Variants in CWF19L2 observed in about 807,000 individuals in gnomAD.
CWF19L2 encodes CWF19 like cell cycle control factor 2.
Under a neutral mutation model 111.7 loss-of-function variants are expected in CWF19L2, and 98 were observed. The observed-to-expected ratio is 0.88, with a 90% CI of 0.75 to 1.04. CWF19L2 has a LOEUF of 1.04. Ranked by LOEUF, CWF19L2 falls within the 50% of genes least tolerant of loss-of-function variation. The pLI is 0.00. For missense variants in CWF19L2, 1,101 were observed against 1,051.4 expected, an observed-to-expected ratio of 1.05 and a Z score of -0.65; for synonymous variants, 351 against 342.9, an observed-to-expected ratio of 1.02 and a Z score of -0.26.
intron 10 of CWF19L2, chr11:107,403,742 T>C (rs1218110647): frequency 8.0e-6 from 7 of 878,788 alleles, no homozygotes; most frequent in Non-Finnish European, 1.4e-5. Flanking sequence ...CTCCTGCTTT[T>C]TGCCGGTCTG....
At chr11:107,456,418 T>G (rs1436099718) in intron 1 of CWF19L2, among the ~76,000 whole-genome samples, 2 of 152,128 alleles carry the variant, frequency 1.3e-5, no homozygotes, top group East Asian at 3.9e-4. Context: ...CTCCAAAAAC[T>G]GCTGGAAATA....
At chr11:107,360,956 T>C (rs1860321746) in intron 12 of CWF19L2, among the ~76,000 whole-genome samples, 1 of 152,220 alleles carries the variant, frequency 6.6e-6, no homozygotes. Flanking sequence ...CTTTTTAGTT[T>C]AATTAACTGT....
At chr11:107,404,577 G>T (rs1355435550) in intron 10 of CWF19L2, 3 of 624,490 alleles carry the variant, frequency 4.8e-6, no homozygotes, top group Admixed American at 2.2e-5. Flanking sequence ...GCATAAGATG[G>T]TCTTTCCACA....
chr11:107,395,704 C>T (rs1481783861), intron 10 of CWF19L2, among the ~76,000 whole-genome samples: 2 of 152,140 alleles, frequency 1.3e-5, no homozygotes, highest in South Asian at 2.1e-4. Context: ...ATTTCTTCTG[C>T]GTGGAACAAT....
intron 10 of CWF19L2, among the ~76,000 whole-genome samples, chr11:107,406,960 GATT>G (rs1330521138): frequency 1.3e-5 from 2 of 151,674 alleles, no homozygotes; most frequent in Non-Finnish European, 2.9e-5. Flanking sequence ...ATGACACACA[GATT>G]ATTTACTATT....
intron 10 of CWF19L2, among the ~76,000 whole-genome samples, chr11:107,408,658 G>T (rs1861115241): frequency 6.6e-6 from 1 of 151,890 alleles, no homozygotes; most frequent in Admixed American, 6.6e-5. Context: ...GGACAGAAAT[G>T]ACAGATACTT....
chr11:107,454,167 C>G (rs922051133), intron 3 of CWF19L2, among the ~76,000 whole-genome samples: 3 of 152,228 alleles, frequency 2.0e-5, no homozygotes, highest in Non-Finnish European at 2.9e-5. Context: ...TGAACACCAG[C>G]TGTAGCCAGG....
At chr11:107,379,289 T>C (rs1038669684) in intron 12 of CWF19L2, among the ~76,000 whole-genome samples, 4 of 152,346 alleles carry the variant, frequency 2.6e-5, no homozygotes, top group African/African-American at 9.6e-5. Flanking sequence ...ATTTGGGACA[T>C]CTGGCAATAT....
At chr11:107,362,293 C>G (rs1458399788) in intron 12 of CWF19L2, among the ~76,000 whole-genome samples, 10 of 152,052 alleles carry the variant, frequency 6.6e-5, no homozygotes, top group South Asian at 4.2e-4. Context: ...ACAAAGCAGC[C>G]AGGAAGCTCG....
At chr11:107,337,343 T>C (rs1034277160) in intron 14 of CWF19L2, among the ~76,000 whole-genome samples, 6 of 136,560 alleles carry the variant, frequency 4.4e-5, no homozygotes, top group Non-Finnish European at 7.7e-5. Context: ...CACACAAATA[T>C]AATCAGTTGT....
At chr11:107,370,034 C>G (rs1860485791) in intron 12 of CWF19L2, among the ~76,000 whole-genome samples, 1 of 137,396 alleles carries the variant, frequency 7.3e-6, no homozygotes, top group Non-Finnish European at 1.6e-5. Context: ...ATTGACATAA[C>G]TACCAAATAA....
chr11:107,409,573 G>A (rs1861128639), intron 10 of CWF19L2, among the ~76,000 whole-genome samples: 1 of 152,044 alleles, frequency 6.6e-6, no homozygotes, highest in African/African-American at 2.4e-5. Flanking sequence ...TATACATAAT[G>A]TGACTCCATT....
At position 107,390,090 on chromosome 11, in the gene CWF19L2, A is replaced by T; in HGVS notation, c.1856T>A (p.Met619Lys). ...GTAENQNKLF[M>K]RMASKFMGKT... ...ATATCTTACCTTAGATGCCATTCTC[A>T]TAAAGAGCTTGTTTTGATTTTCTGC... is the stretch of plus-strand genomic sequence containing the variant. Residue 619 changes from methionine (M) to lysine (K), a missense_variant, in exon 12 of 18, where the codon ATG becomes AAG. Met to Lys is a moderately conservative substitution (Grantham distance 95). Transcript: ENST00000282251. 1 of 1,612,666 alleles carries T rather than the reference A, an allele frequency of 6.2e-7. No homozygotes were observed. Among genetic ancestry groups the T allele is most frequent in the Non-Finnish European group, 8.5e-7 (1 of 1,179,356 alleles).
intron 12 of CWF19L2, among the ~76,000 whole-genome samples, chr11:107,385,477 C>T (rs1022227607): frequency 1.5e-4 from 23 of 151,916 alleles, no homozygotes; most frequent in African/African-American, 4.4e-4. Flanking sequence ...TTTATCTAAA[C>T]GTCAATTTAT....
At chr11:107,397,756 C>T (rs773570911) in intron 10 of CWF19L2, among the ~76,000 whole-genome samples, 67 of 152,176 alleles carry the variant, frequency 4.4e-4, no homozygotes, top group African/African-American at 1.2e-3. Flanking sequence ...AGAACCCTCA[C>T]GGAGTTCACT....
At chr11:107,418,623 T>C (rs958209288) in intron 8 of CWF19L2, among the ~76,000 whole-genome samples, 1 of 152,132 alleles carries the variant, frequency 6.6e-6, no homozygotes, top group Non-Finnish European at 1.5e-5. Flanking sequence ...AGGCCATAAT[T>C]CTATACATCT....
chr11:107,377,863 C>T (rs1253452677), intron 12 of CWF19L2, among the ~76,000 whole-genome samples: 1 of 146,684 alleles, frequency 6.8e-6, no homozygotes, highest in African/African-American at 2.6e-5. Flanking sequence ...TCGCAACCTA[C>T]TCATCTGACA....
At chr11:107,332,633 T>C (rs769134059) in intron 16 of CWF19L2, among the ~76,000 whole-genome samples, 2 of 151,926 alleles carry the variant, frequency 1.3e-5, no homozygotes, top group Admixed American at 1.3e-4. Context: ...AAAAGAAGTA[T>C]AATAAGGTTC....
chr11:107,437,285 G>C (rs1460052638), intron 6 of CWF19L2, among the ~76,000 whole-genome samples: 1 of 152,076 alleles, frequency 6.6e-6, no homozygotes, highest in Non-Finnish European at 1.5e-5. Flanking sequence ...TGGGCTCTGA[G>C]AGGCCAGAAA....
Sources: allele counts gnomAD v4.1 joint callset (sites outside exome capture counted in the v4.1 genomes callset), GRCh38; gene constraint gnomAD v4.1.1; transcripts MANE v1.5; gene names NCBI Gene and HGNC (gene_info 2026-07-23, HGNC 2026-07-21).